PTPRT: variants seen among roughly 807,000 people sequenced by gnomAD.
The protein encoded by PTPRT is receptor-type tyrosine-protein phosphatase T.
PTPRT carries 56 observed loss-of-function variants against 176.8 expected under a neutral mutation model. The observed-to-expected ratio is 0.32, with a 90% CI of 0.26 to 0.40. The LOEUF is 0.40. PTPRT is among the 10% of genes least tolerant of loss of function. PTPRT has a pLI of 1.00. For missense variants in PTPRT, 1,540 were observed against 1,908.2 expected, an observed-to-expected ratio of 0.81 and a Z score of 3.60; for synonymous variants, 783 against 739.0, an observed-to-expected ratio of 1.06 and a Z score of -0.96.
chr20:42,843,148 A>AG (rs1483591455), intron 2 of PTPRT, among the ~76,000 whole-genome samples: 1 of 152,168 alleles, frequency 6.6e-6, no homozygotes, highest in Non-Finnish European at 1.5e-5. Context: ...AAAACTCCAC[A>AG]ATTAAGATTT....
At chr20:42,451,019 C>A (rs1004275758) in intron 8 of PTPRT, among the ~76,000 whole-genome samples, 2 of 151,940 alleles carry the variant, frequency 1.3e-5, no homozygotes, top group African/African-American at 4.8e-5. Context: ...GTTATCAGGG[C>A]AAAATGGGGA....
At chr20:42,868,395 T>A (rs776741039) in intron 2 of PTPRT, among the ~76,000 whole-genome samples, 1 of 152,202 alleles carries the variant, frequency 6.6e-6, no homozygotes, top group East Asian at 1.9e-4. Context: ...ATCATGCCCA[T>A]GTCTCAATGC....
intron 7 of PTPRT, among the ~76,000 whole-genome samples, chr20:42,664,641 T>C (rs2075281939): frequency 6.6e-6 from 1 of 152,176 alleles, no homozygotes; most frequent in South Asian, 2.1e-4. Flanking sequence ...ATATAAATTT[T>C]TTATTTTTGT....
intron 7 of PTPRT, among the ~76,000 whole-genome samples, chr20:42,495,044 G>C (rs1165947866): frequency 6.6e-6 from 1 of 152,038 alleles, no homozygotes; most frequent in African/African-American, 2.4e-5. Flanking sequence ...CTCATTATTT[G>C]CCTACATTTC....
chr20:42,471,738 C>T (rs1013069604), intron 8 of PTPRT, among the ~76,000 whole-genome samples: 6 of 152,162 alleles, frequency 3.9e-5, no homozygotes, highest in African/African-American at 9.7e-5. Context: ...TCACTGCAAC[C>T]TCTGCCTCCC....
chr20:42,356,336 T>C (rs770285402), intron 9 of PTPRT, among the ~76,000 whole-genome samples: 2 of 151,960 alleles, frequency 1.3e-5, no homozygotes, highest in Non-Finnish European at 2.9e-5. Flanking sequence ...CTCAAGGATG[T>C]CCCCCTTCTC....
chr20:42,040,711 T>C, the PTPRT span, among the ~76,000 whole-genome samples: 3 of 152,238 alleles, frequency 2.0e-5, no homozygotes, highest in East Asian at 5.8e-4. Flanking sequence ...AAAAGTGTGA[T>C]GATCAAGATC....
At chr20:42,993,414 T>C (rs1464397859) in intron 1 of PTPRT, among the ~76,000 whole-genome samples, 1 of 131,556 alleles carries the variant, frequency 7.6e-6, no homozygotes, top group Non-Finnish European at 1.6e-5. Context: ...CGAGACTCTG[T>C]CTCAAAAAAA....
chr20:42,804,494 G>T (rs2077576657), intron 2 of PTPRT, among the ~76,000 whole-genome samples: 1 of 152,206 alleles, frequency 6.6e-6, no homozygotes, highest in Non-Finnish European at 1.5e-5. Context: ...GATGGAAAGA[G>T]AACAAGACAA....
rs76654489 is a variant in PTPRT at position 42,742,208 on chromosome 20, C to T, written c.859+14254G>A. On this transcript the variant is annotated intron_variant, in intron 6 of 30. Transcript: ENST00000373187. ...AGCAAACCTGCTTCTGATCACTGTT[C>T]AGCTCCCACAAAATGCTGACTGGAA... is the stretch of plus-strand genomic sequence containing the variant. 7.7e-3 allele frequency among the ~76,000 whole-genome samples: 1,166 copies of T among 152,302 alleles called. 16 individuals carry two copies. The highest frequency in any genetic ancestry group is 9.1e-3 in the Non-Finnish European group (621 of 68,016).
intron 1 of PTPRT, among the ~76,000 whole-genome samples, chr20:42,889,282 C>T (rs1347263602): frequency 6.6e-6 from 1 of 152,242 alleles, no homozygotes; most frequent in Non-Finnish European, 1.5e-5. Flanking sequence ...TCCCTTCTTA[C>T]AGTCTGCTCT....
chr20:43,131,226 A>C (rs962553449), intron 1 of PTPRT, among the ~76,000 whole-genome samples: 2 of 152,082 alleles, frequency 1.3e-5, no homozygotes, highest in African/African-American at 2.4e-5. Context: ...TCCCCACACC[A>C]CTGTGCTGAG....
rs181269770 is a variant in PTPRT at position 42,858,444 on chromosome 20, A to C, written c.214+27363T>G. 8.6e-4 allele frequency among the ~76,000 whole-genome samples: 131 copies of C among 152,290 alleles called. 1 individual carries two copies. Among genetic ancestry groups the C allele is most frequent in the African/African-American group, 2.9e-3 (119 of 41,570 alleles). On this transcript the variant is annotated intron_variant, in intron 2 of 30. Coordinates refer to ENST00000373187, the MANE Select transcript of PTPRT (RefSeq NM_007050.6). Reference sequence around the variant, plus strand: ...TATCATCCGAATGTTTGTGGAGGCCAAAACTCGTATGTTGAAACGCTAACC... The same window carrying C: ...TATCATCCGAATGTTTGTGGAGGCCCAAACTCGTATGTTGAAACGCTAACC...
At chr20:42,553,644 T>G (rs1220867836) in intron 7 of PTPRT, among the ~76,000 whole-genome samples, 1 of 152,128 alleles carries the variant, frequency 6.6e-6, no homozygotes, top group Admixed American at 6.6e-5. Context: ...CACTTTCACT[T>G]TCTCTCCCAC....
At chr20:42,391,803 A>C in intron 9 of PTPRT, among the ~76,000 whole-genome samples, 1 of 152,210 alleles carries the variant, frequency 6.6e-6, no homozygotes, top group East Asian at 1.9e-4. Context: ...AAACAGATGT[A>C]AATGCTCTGT....
intron 27 of PTPRT, among the ~76,000 whole-genome samples, chr20:42,088,041 C>T (rs1984190474): frequency 6.6e-6 from 1 of 151,900 alleles, no homozygotes; most frequent in South Asian, 2.1e-4. Context: ...CCCTCCAGTT[C>T]CTGGTTCCCA....
intron 16 of PTPRT, among the ~76,000 whole-genome samples, chr20:42,188,490 TCATAG>T (rs1423456648): frequency 6.6e-6 from 1 of 152,064 alleles, no homozygotes; most frequent in African/African-American, 2.4e-5. Flanking sequence ...ATAACATGCC[TCATAG>T]CATTGTTGAG....
intron 1 of PTPRT, among the ~76,000 whole-genome samples, chr20:42,971,892 A>G (rs1982660333): frequency 6.6e-6 from 1 of 152,224 alleles, no homozygotes; most frequent in African/African-American, 2.4e-5. Context: ...GGGCACTGGA[A>G]TTATAGCCTT....
At chr20:43,175,589 C>T (rs868479468) in intron 1 of PTPRT, among the ~76,000 whole-genome samples, 19 of 113,786 alleles carry the variant, frequency 1.7e-4, no homozygotes, top group Non-Finnish European at 3.4e-4. Context: ...AGAGCGAGAC[C>T]CCGGGCTCTG....
Sources: gnomAD v4.1 joint callset for allele counts (sites outside exome capture counted in the v4.1 genomes callset) on GRCh38, gnomAD v4.1.1 for gene constraint, MANE v1.5 for transcripts, NCBI Gene and HGNC (gene_info 2026-07-23, HGNC 2026-07-21) for gene names.